The following ITPR1 variants were observed in gnomAD, a reference collection of about 807,000 sequenced individuals.
ITPR1 encodes inositol 1,4,5-trisphosphate receptor type 1, also known as inositol 1,4,5-trisphosphate-gated calcium channel ITPR1.
Under a neutral mutation model 318.4 loss-of-function variants are expected in ITPR1, and 96 were observed. That is an observed-to-expected ratio of 0.30 (90% CI 0.26 to 0.36). ITPR1 has a LOEUF of 0.36. Among genes scored for constraint, ITPR1 ranks in the 10% least tolerant of loss-of-function variants. The pLI, the probability that ITPR1 is intolerant of heterozygous loss-of-function variation, is 1.00. For synonymous variants in ITPR1, 1,312 were observed against 1,289.9 expected, an observed-to-expected ratio of 1.02 and a Z score of -0.37; for missense variants, 2,440 against 3,460.2, an observed-to-expected ratio of 0.71 and a Z score of 7.40.
At chr3:4,557,800 A>G (rs1023225944) in intron 4 of ITPR1, among the ~76,000 whole-genome samples, 3 of 152,074 alleles carry the variant, frequency 2.0e-5, no homozygotes, top group African/African-American at 4.8e-5. Context: ...GGTGTTCCCA[A>G]TTATTCTAAA....
Position 4,697,469 on chromosome 3 carries a change from T to TTTTTTTTTTTTTTTG in ITPR1, c.4407+197_4407+198insTTTTTTTTTTTTTTG, listed in dbSNP as rs1559719610. ...ATCCTTTCTTCCTTTTTTTTTTTTTTGAGCTGGAGTCTTGCTCTGTTACCT... is the reference window on the plus strand; with the variant it reads ...ATCCTTTCTTCCTTTTTTTTTTTTTTTTTTTTTTTTTTTTGGAGCTGGAGTCTTGCTCTGTTACCT... On this transcript the variant is annotated intron_variant, in intron 34 of 61. Transcript: ENST00000649015. Among the ~76,000 whole-genome samples, 7 of 148,998 alleles carry TTTTTTTTTTTTTTTG rather than the reference T, an allele frequency of 4.7e-5. 1 individual carries two copies. The highest frequency in any genetic ancestry group is 1.3e-4 in the Admixed American group (2 of 14,894).
In ITPR1 at chr3:4,703,036, C is replaced by T. The variant is rs2094688392; in HGVS notation, c.4657+86C>T. The stretch of plus-strand genomic sequence containing the variant: ...GCTGCCATTTATTGAGCACTCATTA[C>T]AACTCTTCTAAAGTTACACAGACAG... On this transcript the variant is annotated intron_variant, in intron 36 of 61. Coordinates refer to ENST00000649015, the MANE Select transcript of ITPR1 (RefSeq NM_001378452.1). 13 of 1,441,672 alleles carry T rather than the reference C, an allele frequency of 9.0e-6. No homozygotes were observed. The East Asian group carries it at 3.0e-4, about 33-fold the overall frequency. 89.3% of individuals were successfully genotyped at this position (1,441,672 alleles called of 1,614,324 possible).
rs370893047 is a variant in ITPR1 at position 4,652,347 on chromosome 3, GT to G, written c.951+134del. Reference sequence around the variant, plus strand: ...ACTCAGTCACCTTGCTTTTCCTCCTGTTTTTCTGTTTCCTTCTGATTCATTT... The same window carrying G: ...ACTCAGTCACCTTGCTTTTCCTCCTGTTTTCTGTTTCCTTCTGATTCATTT... On this transcript the variant is annotated intron_variant, in intron 11 of 61. Transcript: ENST00000649015. 667 of 673,532 alleles carry G rather than the reference GT, an allele frequency of 9.9e-4. 10 individuals carry two copies. In the East Asian group the frequency reaches 0.016, roughly 16 times the overall value. 41.7% of individuals were successfully genotyped at this position (673,532 alleles called of 1,614,324 possible).
chr3:4,765,079 G>C (rs1400986570), intron 44 of ITPR1, among the ~76,000 whole-genome samples: 1 of 151,740 alleles, frequency 6.6e-6, no homozygotes, highest in Non-Finnish European at 1.5e-5. Context: ...GAAAAGAAAA[G>C]AAAAGAAACG....
chr3:4,747,247 C>A (rs111935036), intron 44 of ITPR1, among the ~76,000 whole-genome samples: 2 of 152,178 alleles, frequency 1.3e-5, no homozygotes, highest in Admixed American at 6.5e-5. Flanking sequence ...ATGGTCTCAT[C>A]CATCTTCCTG....
At chr3:4,778,227 G>C (rs963135956) in intron 48 of ITPR1, among the ~76,000 whole-genome samples, 4 of 152,214 alleles carry the variant, frequency 2.6e-5, no homozygotes, top group African/African-American at 9.6e-5. Flanking sequence ...TAACAATTGA[G>C]CTTGCAGGCA....
chr3:4,792,232 A>C (rs1355930688), intron 52 of ITPR1, among the ~76,000 whole-genome samples: 1 of 152,138 alleles, frequency 6.6e-6, no homozygotes, highest in African/African-American at 2.4e-5. Flanking sequence ...CCCACCTCAC[A>C]TCCTTAACCT....
At chr3:4,550,988 G>A (rs1023988903) in intron 4 of ITPR1, among the ~76,000 whole-genome samples, 2 of 152,142 alleles carry the variant, frequency 1.3e-5, no homozygotes, top group Non-Finnish European at 2.9e-5. Flanking sequence ...ACTGAGAATA[G>A]AATAGTGCTG....
chr3:4,613,972 A>G (rs2092278390), intron 4 of ITPR1, among the ~76,000 whole-genome samples: 1 of 152,018 alleles, frequency 6.6e-6, no homozygotes, highest in Non-Finnish European at 1.5e-5. Flanking sequence ...CTCCACCTCT[A>G]CCCCTGACAG....
chr3:4,607,585 C>T (rs1439312348), intron 4 of ITPR1, among the ~76,000 whole-genome samples: 1 of 152,048 alleles, frequency 6.6e-6, no homozygotes, highest in Admixed American at 6.5e-5. Context: ...TATTATTGCT[C>T]AAATCAGCCT....
At position 4,811,246 on chromosome 3, in the gene ITPR1, T is replaced by A; in HGVS notation, c.7273-19T>A. ...CTAACATCAAGGCTTCTTAAAATTC[T>A]TTTTGTTTGTTTTCAAAGCTTTTTG... On this transcript the variant is annotated intron_variant, in intron 55 of 61. Coordinates refer to ENST00000649015, the MANE Select transcript of ITPR1 (RefSeq NM_001378452.1). The A allele has an allele frequency of 6.6e-7, 1 of 1,517,560 alleles. No individual in the cohort carries two copies. The highest frequency in any genetic ancestry group is 8.8e-7 in the Non-Finnish European group (1 of 1,131,166). The allele number at this position is 1,517,560 out of a possible 1,614,324, so 94.0% of individuals were successfully genotyped here.
rs141571039 is a variant in ITPR1 at position 4,583,187 on chromosome 3, C to T, written c.164-44576C>T. On this transcript the variant is annotated intron_variant, in intron 4 of 61. Transcript: ENST00000649015. ...AAGCAAAAAAATACAGCTAAATAAACGTTTAAATGGAAGTGGTCTCATAAA... is the reference window on the plus strand; with the variant it reads ...AAGCAAAAAAATACAGCTAAATAAATGTTTAAATGGAAGTGGTCTCATAAA... Among the ~76,000 whole-genome samples the T allele has an allele frequency of 2.4e-3, 364 of 152,148 alleles. 4 individuals carry two copies. Among genetic ancestry groups the T allele is most frequent in the Middle Eastern group, 0.01 (3 of 292 alleles).
intron 60 of ITPR1, chr3:4,831,121 T>TCA (rs1181374459): frequency 1.1e-4 from 30 of 270,774 alleles, no homozygotes; most frequent in South Asian, 2.6e-4. Flanking sequence ...TCTCTCTCTC[T>TCA]CTCTCTCTCT....
chr3:4,603,484 C>T (rs2091456054), intron 4 of ITPR1, among the ~76,000 whole-genome samples: 2 of 152,076 alleles, frequency 1.3e-5, no homozygotes, highest in African/African-American at 2.4e-5. Context: ...GGCTGGAGTG[C>T]AGTGGTGCAA....
At chr3:4,787,255 G>T (rs1483769841) in intron 51 of ITPR1, among the ~76,000 whole-genome samples, 2 of 148,556 alleles carry the variant, frequency 1.3e-5, no homozygotes, top group Non-Finnish European at 3.0e-5. Flanking sequence ...GAAATTAATG[G>T]GTTCACAGGG....
At chr3:4,795,724 C>T (rs903944194) in intron 53 of ITPR1, among the ~76,000 whole-genome samples, 1 of 152,166 alleles carries the variant, frequency 6.6e-6, no homozygotes, top group Non-Finnish European at 1.5e-5. Flanking sequence ...TTAAGAGGTA[C>T]CTGCCATTAT....
At chr3:4,541,424 T>G (rs2084427499) in intron 4 of ITPR1, among the ~76,000 whole-genome samples, 1 of 152,210 alleles carries the variant, frequency 6.6e-6, no homozygotes, top group Admixed American at 6.5e-5. Context: ...TCATTGTTGT[T>G]AAAAGCAACC....
chr3:4,607,473 T>C (rs939465734), intron 4 of ITPR1, among the ~76,000 whole-genome samples: 7 of 152,170 alleles, frequency 4.6e-5, no homozygotes, highest in East Asian at 3.8e-4. Flanking sequence ...CAATGGGTTC[T>C]TCTTGCCCAC....
chr3:4,565,848 C>T (rs899731870), intron 4 of ITPR1, among the ~76,000 whole-genome samples: 3 of 152,146 alleles, frequency 2.0e-5, no homozygotes, highest in Non-Finnish European at 4.4e-5. Context: ...GTTTGAAAAG[C>T]GATTTTCATG....
Sources: gnomAD v4.1 joint callset for allele counts (sites outside exome capture counted in the v4.1 genomes callset) on GRCh38, gnomAD v4.1.1 for gene constraint, MANE v1.5 for transcripts, NCBI Gene and HGNC (gene_info 2026-07-23, HGNC 2026-07-21) for gene names.